The following MAPK8 variants were observed in gnomAD, a reference collection of about 807,000 sequenced individuals.
MAPK8 encodes JUN N-terminal kinase.
A neutral mutation model predicts 52.9 loss-of-function variants in MAPK8; 13 were observed. The ratio of observed to expected loss-of-function variants is 0.25; its 90% CI spans 0.16 to 0.39. The LOEUF is 0.39. MAPK8 is among the 10% of genes least tolerant of loss of function. The pLI, the probability that MAPK8 is intolerant of heterozygous loss-of-function variation, is 1.00. For synonymous variants in MAPK8, 191 were observed against 169.8 expected (o/e 1.12, Z -0.97); for missense variants, 300 against 519.2 (o/e 0.58, Z 4.10).
At chr10:48,336,548 C>T (rs945270807) in intron 1 of MAPK8, among the ~76,000 whole-genome samples, 11 of 152,080 alleles carry the variant, frequency 7.2e-5, no homozygotes, top group Non-Finnish European at 1.2e-4. Flanking sequence ...TTGAAATTTA[C>T]TCTATTAGAA....
At chr10:48,327,869 C>T (rs1843689013) in intron 1 of MAPK8, among the ~76,000 whole-genome samples, 1 of 152,190 alleles carries the variant, frequency 6.6e-6, no homozygotes, top group South Asian at 2.1e-4. Context: ...GTGTCTTTCA[C>T]AGAATATTGG....
chr10:48,436,207 G>GT lies in MAPK8; in HGVS notation c.*1181dup, dbSNP rs1246013341. ...TATAGGATATCATTTTCTAAGGACT[G>GT]TTTCTTCACATTGAGCAGAGCAGGC... is the stretch of plus-strand genomic sequence containing the variant. On this transcript the variant is annotated 3_prime_UTR_variant, in exon 12 of 12. Coordinates refer to ENST00000374189, the MANE Select transcript of MAPK8 (RefSeq NM_001323329.2). 2.0e-5 allele frequency: 3 copies of GT among 152,230 alleles called. No homozygotes were observed. The highest frequency in any genetic ancestry group is 7.2e-5 in the African/African-American group (3 of 41,446). The allele number at this position is 152,230 out of a possible 1,614,324, so 9.4% of individuals were successfully genotyped here.
intron 1 of MAPK8, among the ~76,000 whole-genome samples, chr10:48,343,952 G>A (rs1178440994): frequency 6.6e-6 from 1 of 152,180 alleles, no homozygotes; most frequent in Non-Finnish European, 1.5e-5. Context: ...TTCATCTGGG[G>A]TTGGTATTTT....
chr10:48,393,903 G>T (rs545870411), intron 1 of MAPK8, among the ~76,000 whole-genome samples: 37 of 151,746 alleles, frequency 2.4e-4, no homozygotes, highest in African/African-American at 8.7e-4. Context: ...TTGTTTTTTT[G>T]AAAAGATCAC....
At chr10:48,411,342 G>T (rs1440131622) in intron 5 of MAPK8, among the ~76,000 whole-genome samples, 1 of 152,114 alleles carries the variant, frequency 6.6e-6, no homozygotes, top group Non-Finnish European at 1.5e-5. Flanking sequence ...TGGCAATTTA[G>T]TTGTGCCAGC....
At chr10:48,351,755 G>A (rs1238224158) in intron 1 of MAPK8, among the ~76,000 whole-genome samples, 2 of 152,078 alleles carry the variant, frequency 1.3e-5, no homozygotes, top group Admixed American at 6.5e-5. Flanking sequence ...AGAGATACAG[G>A]TTGAGTATCC....
chr10:48,406,162 C>G (rs1204704022), intron 3 of MAPK8, among the ~76,000 whole-genome samples: 1 of 152,010 alleles, frequency 6.6e-6, no homozygotes, highest in Non-Finnish European at 1.5e-5. Flanking sequence ...AGGAAAGGAG[C>G]CTTCAGAGAG....
At chr10:48,326,939 T>TTTTG (rs138298526) in intron 1 of MAPK8, among the ~76,000 whole-genome samples, 3 of 152,130 alleles carry the variant, frequency 2.0e-5, no homozygotes, top group African/African-American at 7.2e-5. Flanking sequence ...TAGGAGTGTT[T>TTTTG]TTTGTTTGTT....
chr10:48,351,386 C>T (rs1052604075), intron 1 of MAPK8, among the ~76,000 whole-genome samples: 4 of 148,774 alleles, frequency 2.7e-5, no homozygotes, highest in African/African-American at 7.4e-5. Context: ...ATGATTGTCC[C>T]GCCTCAGCCT....
At chr10:48,404,676 C>CA (rs933428556) in intron 2 of MAPK8, among the ~76,000 whole-genome samples, 176 bp from the exon 3 acceptor site, 2 of 151,856 alleles carry the variant, frequency 1.3e-5, no homozygotes, top group Admixed American at 1.3e-4. Flanking sequence ...GAAATAGTTG[C>CA]AAAAAAATAT....
At chr10:48,405,681 A>C (rs2042426363) in intron 3 of MAPK8, among the ~76,000 whole-genome samples, 1 of 152,254 alleles carries the variant, frequency 6.6e-6, no homozygotes, top group Non-Finnish European at 1.5e-5. Flanking sequence ...TTGAGGAAAT[A>C]AACTAGGAGT....
At chr10:48,345,779 A>G (rs1447060483) in intron 1 of MAPK8, among the ~76,000 whole-genome samples, 1 of 152,216 alleles carries the variant, frequency 6.6e-6, no homozygotes, top group African/African-American at 2.4e-5. Context: ...GTATTTCAGA[A>G]TGGTGCAGAA....
chr10:48,424,609 T>G (rs12256882), intron 7 of MAPK8: 8 of 1,531,936 alleles, frequency 5.2e-6, no homozygotes, highest in Non-Finnish European at 6.2e-6. Flanking sequence ...TGGCCTAAAA[T>G]GTAGTTTCTA....
In MAPK8 at chr10:48,338,819, A is replaced by G. The variant is rs185061490; in HGVS notation, c.-50+31998A>G. 8.4e-4 allele frequency among the ~76,000 whole-genome samples: 127 copies of G among 151,210 alleles called. 1 individual carries two copies. The East Asian group carries it at 0.013, about 15-fold the overall frequency. On this transcript the variant is annotated intron_variant, in intron 1 of 11. Transcript: ENST00000374189. ...GAGCCAAATTAAGAACTAATTTACA[A>G]TAGACACACACAAACACACACACCA...
intron 1 of MAPK8, among the ~76,000 whole-genome samples, chr10:48,346,155 G>A (rs1845751096): frequency 6.6e-6 from 1 of 152,184 alleles, no homozygotes. Context: ...ACCGAGGCAA[G>A]AGACAGGGGA....
In MAPK8 at chr10:48,437,975, T is replaced by C. The variant is rs1487131114; in HGVS notation, c.*2946T>C. 6.6e-6 allele frequency: 1 copy of C among 152,274 alleles called. No homozygotes were observed. Among genetic ancestry groups the C allele is most frequent in the Non-Finnish European group, 1.5e-5 (1 of 68,062 alleles). The allele number at this position is 152,274 out of a possible 1,614,324, so 9.4% of individuals were successfully genotyped here. ...AATCATCAGCAGGAAAGTGAAGCTC[T>C]TTCCTTGGTTACAGATAAGACTTGG... is the stretch of plus-strand genomic sequence containing the variant. On this transcript the variant is annotated 3_prime_UTR_variant, in exon 12 of 12. Coordinates refer to ENST00000374189, the MANE Select transcript of MAPK8 (RefSeq NM_001323329.2).
chr10:48,313,180 C>T lies in MAPK8; in HGVS notation c.-50+6359C>T, dbSNP rs186636462. Among the ~76,000 whole-genome samples, 136 of 152,318 alleles carry T rather than the reference C, an allele frequency of 8.9e-4. 2 individuals carry two copies. The East Asian group carries it at 0.021, about 23-fold the overall frequency. Reference sequence around the variant, plus strand: ...AGGCGCGGTGGCTCACGCCTGTAATCTGAGCACTTTGGGAGGCCGAGGCGG... The same window carrying T: ...AGGCGCGGTGGCTCACGCCTGTAATTTGAGCACTTTGGGAGGCCGAGGCGG... On this transcript the variant is annotated intron_variant, in intron 1 of 11. Coordinates refer to ENST00000374189, the MANE Select transcript of MAPK8 (RefSeq NM_001323329.2).
chr10:48,345,509 A>C (rs1196801951), intron 1 of MAPK8, among the ~76,000 whole-genome samples: 3 of 152,160 alleles, frequency 2.0e-5, no homozygotes, highest in Non-Finnish European at 2.9e-5. Flanking sequence ...ACACACACAC[A>C]CCTTTGCCTA....
intron 1 of MAPK8, among the ~76,000 whole-genome samples, chr10:48,324,927 A>C (rs1843354217): frequency 2.7e-5 from 4 of 150,742 alleles, no homozygotes; most frequent in African/African-American, 9.8e-5. Context: ...GCTTTGAATC[A>C]GTTATTTCAT....
Sources: allele counts gnomAD v4.1 joint callset (sites outside exome capture counted in the v4.1 genomes callset), GRCh38; gene constraint gnomAD v4.1.1; transcripts MANE v1.5; gene names NCBI Gene and HGNC (gene_info 2026-07-23, HGNC 2026-07-21).